The following KCNIP4 variants were observed in gnomAD, a reference collection of about 807,000 sequenced individuals.
KCNIP4 encodes the protein Kv channel-interacting protein 4.
KCNIP4 carries 12 observed loss-of-function variants against 34.0 expected under a neutral mutation model. The ratio of observed to expected loss-of-function variants is 0.35; its 90% CI spans 0.23 to 0.57. The LOEUF (loss-of-function observed/expected upper bound fraction) is 0.57. Among genes scored for constraint, KCNIP4 ranks in the 20% least tolerant of loss-of-function variants. KCNIP4 has a pLI of 0.83. For synonymous variants in KCNIP4, 124 were observed against 102.2 expected, an observed-to-expected ratio of 1.21 and a Z score of -1.29; for missense variants, 238 against 311.7, an observed-to-expected ratio of 0.76 and a Z score of 1.78.
chr4:20,949,852 C>T (rs1324685517), intron 1 of KCNIP4, among the ~76,000 whole-genome samples: 13 of 78,856 alleles, frequency 1.6e-4, no homozygotes, highest in South Asian at 8.2e-4. Flanking sequence ...ACTCTGGGGA[C>T]GGTTGGGGGG....
chr4:21,788,466 C>G (rs902893507), intron 1 of KCNIP4, among the ~76,000 whole-genome samples: 31 of 152,124 alleles, frequency 2.0e-4, no homozygotes, highest in African/African-American at 7.5e-4. Flanking sequence ...AGAAATCTCA[C>G]CCCCAGCCTC....
chr4:21,370,884 T>TAC (rs1360484906), intron 1 of KCNIP4, among the ~76,000 whole-genome samples: 1 of 83,114 alleles, frequency 1.2e-5, no homozygotes, highest in African/African-American at 6.5e-5. Flanking sequence ...CACACACACG[T>TAC]GTGTGTGTGT....
At chr4:21,118,460 C>T (rs1749874786) in intron 1 of KCNIP4, among the ~76,000 whole-genome samples, 1 of 152,202 alleles carries the variant, frequency 6.6e-6, no homozygotes, top group Non-Finnish European at 1.5e-5. Flanking sequence ...GTGCCAACAA[C>T]CTCCAATCAG....
chr4:21,238,141 T>A (rs1162776592), intron 1 of KCNIP4, among the ~76,000 whole-genome samples: 1 of 152,118 alleles, frequency 6.6e-6, no homozygotes, highest in Non-Finnish European at 1.5e-5. Flanking sequence ...CATGATTACC[T>A]CAATAGATGC....
rs541449248 is a variant in KCNIP4 at position 20,797,089 on chromosome 4, C to A, written c.289-38199G>T. ...AAAAATTCAATTTCAGACCTACAAG[C>A]TAGAAAGGGCTCAAGTGTCACCAGA... On this transcript the variant is annotated intron_variant, in intron 3 of 8. Transcript: ENST00000382152. 2.0e-5 allele frequency among the ~76,000 whole-genome samples: 3 copies of A among 152,280 alleles called. 1 individual carries two copies. In the South Asian group the frequency reaches 6.2e-4, roughly 32 times the overall value.
At chr4:21,318,344 T>C (rs777775352) in intron 1 of KCNIP4, among the ~76,000 whole-genome samples, 42 of 152,150 alleles carry the variant, frequency 2.8e-4, no homozygotes, top group Non-Finnish European at 4.7e-4. Context: ...CCTGGAATAA[T>C]TGGAAGTTCA....
At chr4:21,384,748 T>A (rs1342355386) in intron 1 of KCNIP4, among the ~76,000 whole-genome samples, 1 of 152,194 alleles carries the variant, frequency 6.6e-6, no homozygotes, top group Admixed American at 6.5e-5. Flanking sequence ...ATATAAAGTG[T>A]ACTGTAAATT....
intron 1 of KCNIP4, among the ~76,000 whole-genome samples, chr4:20,970,190 C>T (rs1186507207): frequency 6.6e-6 from 1 of 152,150 alleles, no homozygotes; most frequent in African/African-American, 2.4e-5. Flanking sequence ...ATCCACCCAC[C>T]TCGGCCTCCC....
chr4:21,862,968 G>A (rs6835554), intron 1 of KCNIP4, among the ~76,000 whole-genome samples: 53,011 of 108,810 alleles, frequency 0.49, 12,308 homozygotes, highest in East Asian at 0.73. Flanking sequence ...CTCAAAAAAA[G>A]AAAAAAAAAG....
intron 1 of KCNIP4, among the ~76,000 whole-genome samples, chr4:21,401,118 G>A (rs1723523656): frequency 6.6e-6 from 1 of 152,110 alleles, no homozygotes; most frequent in Non-Finnish European, 1.5e-5. Context: ...CTGACATGGT[G>A]CCACTGCACT....
intron 3 of KCNIP4, among the ~76,000 whole-genome samples, chr4:20,793,745 C>T (rs900169644): frequency 4.0e-5 from 6 of 151,600 alleles, no homozygotes. Flanking sequence ...CAGTGGGAGC[C>T]CTGAGCTTGT....
intron 1 of KCNIP4, chr4:21,718,762 G>A (rs948370757): frequency 2.0e-5 from 3 of 152,142 alleles, no homozygotes; most frequent in African/African-American, 7.2e-5. Context: ...TGCAAGTAAT[G>A]ACTCCACAAG....
intron 1 of KCNIP4, among the ~76,000 whole-genome samples, chr4:21,679,887 A>C (rs1750206123): frequency 1.3e-5 from 2 of 152,204 alleles, no homozygotes; most frequent in Admixed American, 6.5e-5. Context: ...GCTAACTATC[A>C]TCTGAGCCTT....
At chr4:21,305,119 T>A (rs577465985) in intron 1 of KCNIP4, among the ~76,000 whole-genome samples, 2 of 152,242 alleles carry the variant, frequency 1.3e-5, no homozygotes, top group South Asian at 4.1e-4. Flanking sequence ...AGAGACAGCA[T>A]CTTAGAAAGC....
intron 1 of KCNIP4, among the ~76,000 whole-genome samples, chr4:21,405,951 T>A (rs1171648235): frequency 1.3e-5 from 2 of 152,242 alleles, no homozygotes; most frequent in Non-Finnish European, 2.9e-5. Flanking sequence ...TTCTCCTGCC[T>A]CAGCCTCTTG....
chr4:21,118,898 A>G (rs1273621959), intron 1 of KCNIP4, among the ~76,000 whole-genome samples: 2 of 152,194 alleles, frequency 1.3e-5, no homozygotes, highest in Admixed American at 1.3e-4. Context: ...TTTGAATAAG[A>G]ACCTAAGACC....
chr4:20,844,840 C>T (rs1451867000), intron 3 of KCNIP4, among the ~76,000 whole-genome samples: 1 of 152,112 alleles, frequency 6.6e-6, no homozygotes, highest in Admixed American at 6.6e-5. Context: ...CATACAAGAA[C>T]TCAGATGTCC....
At chr4:21,648,929 T>G (rs918990536) in intron 1 of KCNIP4, among the ~76,000 whole-genome samples, 1 of 152,216 alleles carries the variant, frequency 6.6e-6, no homozygotes, top group Non-Finnish European at 1.5e-5. Flanking sequence ...CCCTCCTGTT[T>G]GAACATTTTA....
At chr4:21,024,148 T>C (rs1378061088) in intron 1 of KCNIP4, among the ~76,000 whole-genome samples, 7 of 152,222 alleles carry the variant, frequency 4.6e-5, no homozygotes, top group African/African-American at 1.7e-4. Context: ...ACTGACAAAA[T>C]TTAACAAATT....
Sources: allele counts gnomAD v4.1 joint callset (sites outside exome capture counted in the v4.1 genomes callset), GRCh38; gene constraint gnomAD v4.1.1; transcripts MANE v1.5; gene names NCBI Gene and HGNC (gene_info 2026-07-23, HGNC 2026-07-21).